HMG20A: variants seen among roughly 807,000 people sequenced by gnomAD.
The protein encoded by HMG20A is high mobility group 20A.
In HMG20A, 17 loss-of-function variants were observed where a neutral mutation model predicts 43.9. The ratio of observed to expected loss-of-function variants is 0.39; its 90% CI spans 0.27 to 0.58. The LOEUF is 0.58. Among genes scored for constraint, HMG20A ranks in the 20% least tolerant of loss-of-function variants. The pLI, the probability that HMG20A is intolerant of heterozygous loss-of-function variation, is 0.59. For synonymous variants in HMG20A, 132 were observed against 147.5 expected (o/e 0.89, Z 0.76); for missense variants, 341 against 438.2 (o/e 0.78, Z 1.98).
At chr15:77,496,966 G>A in the HMG20A span, among the ~76,000 whole-genome samples, 2 of 152,326 alleles carry the variant, frequency 1.3e-5, no homozygotes, top group South Asian at 2.1e-4. Context: ...AGGACGGCCC[G>A]GGACCCAGTG....
At chr15:77,437,320 A>G (rs2073560182) in intron 1 of HMG20A, among the ~76,000 whole-genome samples, 2 of 152,246 alleles carry the variant, frequency 1.3e-5, no homozygotes, top group African/African-American at 4.8e-5. Context: ...TACCTGGTAC[A>G]TATTACTGAA....
intron 4 of HMG20A, 152 bp from the exon 5 acceptor site, chr15:77,470,758 C>A: frequency 1.7e-6 from 1 of 576,896 alleles, no homozygotes; most frequent in Non-Finnish European, 2.8e-6. Flanking sequence ...TCTATTCATA[C>A]AACTCTTGTT....
intron 1 of HMG20A, among the ~76,000 whole-genome samples, chr15:77,449,870 G>T (rs1211346236): frequency 6.6e-6 from 1 of 152,070 alleles, no homozygotes; most frequent in Non-Finnish European, 1.5e-5. Flanking sequence ...TGTGAGTTTT[G>T]ACAGATTTAT....
the HMG20A span, among the ~76,000 whole-genome samples, chr15:77,509,563 TG>T: frequency 5.9e-4 from 29 of 49,570 alleles, no homozygotes; most frequent in African/African-American, 1.5e-3. Context: ...GCCGTGTGTG[TG>T]TGTGTGTGTG....
In HMG20A at chr15:77,467,075, T is replaced by G; in HGVS notation, c.238-20T>G. ...GGTTGTTGTTTGGTTTTTGGTTTTT[T>G]ATTTTGTTTTGTTTTGTAGCAACGA... On this transcript the variant is annotated intron_variant, in intron 3 of 9. Transcript: ENST00000336216. The G allele has an allele frequency of 1.3e-6, 2 of 1,594,250 alleles. No individual in the cohort carries two copies. Among genetic ancestry groups the G allele is most frequent in the Non-Finnish European group, 1.7e-6 (2 of 1,167,740 alleles).
At chr15:77,482,127 C>G (rs925703402) in intron 9 of HMG20A, 3 of 152,152 alleles carry the variant, frequency 2.0e-5, no homozygotes, top group Non-Finnish European at 4.4e-5. Context: ...TCTAAACTCT[C>G]TCATTCACTG....
chr15:77,481,018 C>A (rs921829476), intron 9 of HMG20A, among the ~76,000 whole-genome samples: 74 of 152,082 alleles, frequency 4.9e-4, no homozygotes, highest in African/African-American at 1.7e-3. Context: ...GGGTTTGAAT[C>A]TTTATTTGTC....
the HMG20A span, among the ~76,000 whole-genome samples, chr15:77,510,731 C>A: frequency 6.6e-6 from 1 of 152,192 alleles, no homozygotes; most frequent in African/African-American, 2.4e-5. Context: ...AGTGTGGAGG[C>A]TGAGCAGACT....
chr15:77,517,083 A>C, the HMG20A span, among the ~76,000 whole-genome samples: 3 of 152,124 alleles, frequency 2.0e-5, no homozygotes, highest in East Asian at 5.8e-4. Context: ...CCTTGGTCCT[A>C]GAAGACCTAG....
chr15:77,465,352 C>T (rs1341516463), intron 3 of HMG20A, among the ~76,000 whole-genome samples: 18 of 144,632 alleles, frequency 1.2e-4, no homozygotes, highest in African/African-American at 2.0e-4. Flanking sequence ...ATAATGAATG[C>T]TTAAAGTTTC....
chr15:77,499,829 C>A, the HMG20A span, among the ~76,000 whole-genome samples: 1 of 142,274 alleles, frequency 7.0e-6, no homozygotes, highest in East Asian at 2.0e-4. Context: ...ATATCTTTTT[C>A]TTTTCTTTTT....
chr15:77,430,699 G>T lies in HMG20A; in HGVS notation c.-5+9695G>T, dbSNP rs564338764. Among the ~76,000 whole-genome samples, 12 of 152,300 alleles carry T rather than the reference G, an allele frequency of 7.9e-5. No individual in the cohort carries two copies. In the South Asian group the frequency reaches 2.5e-3, roughly 32 times the overall value. On this transcript the variant is annotated intron_variant, in intron 1 of 9. Transcript: ENST00000336216. ...TCTTGGGTCAAGATCCCTAGAGAAG[G>T]ACAGTACCCAGAAACTTTTTTAAAA...
rs1383919848 is a variant in HMG20A, at chr15:77,462,988, C to T, written c.90-1252C>T. 3.3e-5 allele frequency among the ~76,000 whole-genome samples: 5 copies of T among 151,774 alleles called. No individual in the cohort carries two copies. The South Asian group carries it at 1.0e-3, about 32-fold the overall frequency. ...GGTTTCACCATGTTGGCCAGGCTGGCTTTGAACTCCTGACCTCAAGTGATC... is the reference window on the plus strand; with the variant it reads ...GGTTTCACCATGTTGGCCAGGCTGGTTTTGAACTCCTGACCTCAAGTGATC... On this transcript the variant is annotated intron_variant, in intron 2 of 9. Transcript: ENST00000336216.
chr15:77,492,770 C>T, the HMG20A span, among the ~76,000 whole-genome samples: 1 of 151,926 alleles, frequency 6.6e-6, no homozygotes, highest in South Asian at 2.1e-4. Context: ...ATGTTCATAC[C>T]ATTGCACTCC....
the HMG20A span, among the ~76,000 whole-genome samples, chr15:77,492,743 C>G: frequency 6.6e-6 from 1 of 151,920 alleles, no homozygotes; most frequent in East Asian, 1.9e-4. Context: ...CCCGGGAAGT[C>G]GTGGCTGCAG....
intron 2 of HMG20A, among the ~76,000 whole-genome samples, chr15:77,463,200 T>C (rs1012066135): frequency 6.6e-6 from 1 of 152,212 alleles, no homozygotes; most frequent in African/African-American, 2.4e-5. Flanking sequence ...GTTCTTTCTA[T>C]CTGGAATCGT....
chr15:77,492,514 G>A, the HMG20A span, among the ~76,000 whole-genome samples: 6 of 152,150 alleles, frequency 3.9e-5, no homozygotes, highest in Non-Finnish European at 7.3e-5. Flanking sequence ...TGTTAAAATA[G>A]CCAGGATGGA....
the HMG20A span, among the ~76,000 whole-genome samples, chr15:77,506,681 C>T: frequency 2.0e-4 from 31 of 152,228 alleles, no homozygotes; most frequent in African/African-American, 7.2e-4. Context: ...TGCCACACTG[C>T]GCCCAGCCCA....
the HMG20A span, among the ~76,000 whole-genome samples, chr15:77,507,016 G>A: frequency 6.6e-6 from 1 of 152,218 alleles, no homozygotes; most frequent in East Asian, 1.9e-4. Flanking sequence ...AAAGCACAGG[G>A]CCCTCCTTCA....
Sources: allele counts gnomAD v4.1 joint callset (sites outside exome capture counted in the v4.1 genomes callset), GRCh38; gene constraint gnomAD v4.1.1; transcripts MANE v1.5; gene names NCBI Gene and HGNC (gene_info 2026-07-23, HGNC 2026-07-21).